CLEC12A: variants seen among roughly 807,000 people sequenced by gnomAD.
CLEC12A encodes C-type lectin domain family 12 member A, also known as C-type lectin protein CLL-1.
In CLEC12A, 22 loss-of-function variants were observed where a neutral mutation model predicts 26.5. The observed-to-expected ratio is 0.83, with a 90% confidence interval of 0.59 to 1.19. The LOEUF (loss-of-function observed/expected upper bound fraction) is 1.19. Ranked by LOEUF, CLEC12A falls within the 50% of genes most tolerant of loss-of-function variation. The pLI is 0.00. For synonymous variants in CLEC12A, 119 were observed against 101.9 expected (o/e 1.17, Z -1.01); for missense variants, 353 against 315.6 (o/e 1.12, Z -0.90).
the CLEC12A span, among the ~76,000 whole-genome samples, chr12:10,005,520 T>C: frequency 6.6e-6 from 1 of 152,224 alleles, no homozygotes; most frequent in East Asian, 1.9e-4. Flanking sequence ...TTATCAGTTA[T>C]ATTTGTGGCA....
chr12:9,997,574 C>T (rs1865084439), downstream of CLEC12A, among the ~76,000 whole-genome samples: 1 of 152,168 alleles, frequency 6.6e-6, no homozygotes, highest in Non-Finnish European at 1.5e-5. Context: ...TGAATACAAG[C>T]TTCTCAGCTG....
At chr12:9,964,253 G>T (rs903558100) in intron 1 of CLEC12A, among the ~76,000 whole-genome samples, 1 of 152,168 alleles carries the variant, frequency 6.6e-6, no homozygotes, top group Non-Finnish European at 1.5e-5. Context: ...GAGGGTAAAG[G>T]TGAGGGCTGT....
At chr12:9,976,203 A>G (rs1215484117) in intron 1 of CLEC12A, among the ~76,000 whole-genome samples, 2 of 152,160 alleles carry the variant, frequency 1.3e-5, no homozygotes, top group Non-Finnish European at 2.9e-5. Flanking sequence ...GAAGTGGACC[A>G]CCGTCCTCCA....
chr12:9,952,332 C>A (rs1056229773), intron 1 of CLEC12A, among the ~76,000 whole-genome samples: 1 of 150,902 alleles, frequency 6.6e-6, no homozygotes, highest in Non-Finnish European at 1.5e-5. Context: ...ATTGCAGGCA[C>A]GCACCACCAC....
intron 5 of CLEC12A, chr12:9,983,545 G>A (rs17807022): frequency 0.023 from 15,758 of 695,844 alleles, 250 homozygotes; most frequent in Non-Finnish European, 0.029. Flanking sequence ...ATCAAACGAA[G>A]AAAGAAACCA....
At chr12:9,996,985 C>A (rs775113342), downstream of CLEC12A, 4 of 1,613,888 alleles carry the variant, frequency 2.5e-6, no homozygotes, top group East Asian at 8.9e-5. Flanking sequence ...GTCACAGGGG[C>A]TGCATTTATG....
chr12:9,965,876 A>G (rs2137117109), intron 1 of CLEC12A, among the ~76,000 whole-genome samples: 1 of 152,264 alleles, frequency 6.6e-6, no homozygotes, highest in East Asian at 1.9e-4. Flanking sequence ...GTGCAGGATC[A>G]GTCGCTAAGG....
At chr12:9,992,802 A>G (rs562496583) in intron 4 of CLEC12A, 4 of 183,710 alleles carry the variant, frequency 2.2e-5, no homozygotes, top group African/African-American at 9.4e-5. Context: ...CACAACTTAT[A>G]TTAATTAAGC....
downstream of CLEC12A, chr12:9,998,375 A>G (rs2273986): frequency 0.43 from 696,512 of 1,608,536 alleles, 153,570 homozygotes; most frequent in Non-Finnish European, 0.45. Context: ...GAGGATGCAG[A>G]GCCAACTGTA....
downstream of CLEC12A, chr12:9,996,633 T>G: frequency 3.0e-6 from 2 of 665,862 alleles, no homozygotes; most frequent in South Asian, 3.1e-5. Flanking sequence ...AAGGGACAAG[T>G]CAATTTGACT....
chr12:10,001,667 A>T, the CLEC12A span, among the ~76,000 whole-genome samples: 1 of 152,184 alleles, frequency 6.6e-6, no homozygotes, highest in Non-Finnish European at 1.5e-5. Context: ...ACTCAGCAAA[A>T]ATTAAGCAGA....
In CLEC12A at chr12:9,965,085, C is replaced by T. The variant is rs184907172; in HGVS notation, c.11-6492C>T. ...AATAGATTTTGGAAATTATGAGAAC[C>T]GTAGAGAATGAGTTGGGCATAGTTT... is the stretch of plus-strand genomic sequence containing the variant. On this transcript the variant is annotated intron_variant, in intron 1 of 6. Coordinates refer to the CLEC12A transcript ENST00000355690. 1.8e-4 allele frequency among the ~76,000 whole-genome samples: 27 copies of T among 152,160 alleles called. No homozygotes were observed. In the East Asian group the frequency reaches 1.9e-3, roughly 11 times the overall value.
intron 1 of CLEC12A, among the ~76,000 whole-genome samples, chr12:9,957,722 T>C (rs1411497128): frequency 6.6e-6 from 1 of 152,128 alleles, no homozygotes; most frequent in African/African-American, 2.4e-5. Flanking sequence ...GAGCAGAGGG[T>C]TGACTTCAAG....
At chr12:9,997,505 C>G (rs940180435), downstream of CLEC12A, among the ~76,000 whole-genome samples, 1 of 152,214 alleles carries the variant, frequency 6.6e-6, no homozygotes, top group South Asian at 2.1e-4. Flanking sequence ...TTGAAGGAGA[C>G]AATCACAAAT....
chr12:10,004,752 C>T, the CLEC12A span, among the ~76,000 whole-genome samples: 2 of 151,908 alleles, frequency 1.3e-5, no homozygotes, highest in Non-Finnish European at 2.9e-5. Context: ...GCCAGGGAAC[C>T]ACTCTCTTCT....
Position 9,971,675 on chromosome 12 carries a change from T to G in CLEC12A, c.79T>G (p.Phe27Val). Residue 27 changes from phenylalanine (F) to valine (V), a missense_variant, in exon 1 of 6, where the codon TTT becomes GTT. Physicochemically the swap from Phe to Val is conservative, Grantham distance 50. Coordinates refer to ENST00000304361, the MANE Select transcript of CLEC12A (RefSeq NM_138337.6). ...EMEKIPEIGK[F>V]GEKAPPAPSH... ...GGAAAAAATCCCAGAAATTGGCAAATTTGGGGAAAAAGGTAAGATTTTGAG... is the reference window on the plus strand; with the variant it reads ...GGAAAAAATCCCAGAAATTGGCAAAGTTGGGGAAAAAGGTAAGATTTTGAG... The G allele has an allele frequency of 6.2e-7, 1 of 1,609,360 alleles. No individual in the cohort carries two copies. Among genetic ancestry groups the G allele is most frequent in the Non-Finnish European group, 8.5e-7 (1 of 1,177,744 alleles).
At chr12:9,956,075 G>A (rs1266024117) in intron 1 of CLEC12A, among the ~76,000 whole-genome samples, 1 of 152,156 alleles carries the variant, frequency 6.6e-6, no homozygotes, top group Non-Finnish European at 1.5e-5. Context: ...CAAGAAAGCT[G>A]CACTTTGGAG....
At chr12:9,997,142 TA>T, downstream of CLEC12A, 2 of 1,613,644 alleles carry the variant, frequency 1.2e-6, no homozygotes, top group South Asian at 2.2e-5. Flanking sequence ...ATGAAGAGGT[TA>T]AAAAAACAAT....
At chr12:10,000,637 C>G (rs150067145), downstream of CLEC12A, among the ~76,000 whole-genome samples, 2 of 152,322 alleles carry the variant, frequency 1.3e-5, no homozygotes, top group Admixed American at 1.3e-4. Context: ...CAATCATAAG[C>G]TGGGTAAATT....
Sources: allele counts gnomAD v4.1 joint callset (sites outside exome capture counted in the v4.1 genomes callset), GRCh38; gene constraint gnomAD v4.1.1; transcripts MANE v1.5; gene names NCBI Gene and HGNC (gene_info 2026-07-23, HGNC 2026-07-21).